The following DMD variants were observed in gnomAD, a reference collection of about 807,000 sequenced individuals.
DMD encodes the protein mutant dystrophin.
Under a neutral mutation model 330.1 loss-of-function variants are expected in DMD, and 63 were observed. That is an observed-to-expected ratio of 0.19 (90% CI 0.16 to 0.24). The LOEUF (loss-of-function observed/expected upper bound fraction) is 0.24. DMD is among the 10% of genes least tolerant of loss of function. The pLI, the probability that DMD is intolerant of heterozygous loss-of-function variation, is 1.00. For missense variants in DMD, 3,344 were observed against 2,684.1 expected (o/e 1.25, Z -5.43); for synonymous variants, 1,223 against 959.8 (o/e 1.27, Z -5.07).
At chrX:31,512,613 T>C (rs2071740978) in intron 55 of DMD, among the ~76,000 whole-genome samples, 1 of 109,596 alleles carries the variant, frequency 9.1e-6, no homozygotes, top group South Asian at 4.0e-4. Flanking sequence ...ATTGCTTGTT[T>C]TTCTCAGGTT....
chrX:32,759,220 A>G (rs1318032643), intron 7 of DMD, among the ~76,000 whole-genome samples: 4 of 111,888 alleles, frequency 3.6e-5, no homozygotes, highest in Non-Finnish European at 7.5e-5. Flanking sequence ...CCTGACTCTC[A>G]AGTTACACTG....
At chrX:31,371,938 G>A (rs139640272) in intron 60 of DMD, among the ~76,000 whole-genome samples, 1 of 112,053 alleles carries the variant, frequency 8.9e-6, no homozygotes, top group African/African-American at 3.2e-5. Context: ...CTAAGTTTCT[G>A]CTTTTGTATC....
chrX:32,817,858 T>A (rs190385739), intron 5 of DMD, among the ~76,000 whole-genome samples: 4 of 112,234 alleles, frequency 3.6e-5, no homozygotes, highest in African/African-American at 6.5e-5. Context: ...AACATACTTT[T>A]AAAAGATTTG....
intron 1 of DMD, among the ~76,000 whole-genome samples, chrX:33,264,701 TA>T (rs1446747310): frequency 1.9e-5 from 1 of 52,369 alleles, no homozygotes; most frequent in African/African-American, 4.4e-5. Flanking sequence ...TGTATTTTAG[TA>T]AAGATAAAGG....
intron 44 of DMD, among the ~76,000 whole-genome samples, chrX:32,196,994 A>AAAAC (rs2097007080): frequency 9.7e-6 from 1 of 102,645 alleles, no homozygotes; most frequent in African/African-American, 3.6e-5. Flanking sequence ...CTCAAAAAAA[A>AAAAC]AAAAAAAAAA....
At chrX:32,982,690 A>G (rs1249134947) in intron 2 of DMD, among the ~76,000 whole-genome samples, 1 of 111,748 alleles carries the variant, frequency 8.9e-6, no homozygotes, top group Non-Finnish European at 1.9e-5. Flanking sequence ...TTCACTTAAT[A>G]GAAGCAAGTG....
Position 32,728,698 on chromosome X carries a change from T to C in DMD, c.650-29405A>G, listed in dbSNP as rs1332190294. ...AGTAAGGCAGATATCTTTGGGAATA[T>C]AATGCATAGAAAATAGTATTTTCTT... is the stretch of plus-strand genomic sequence containing the variant. On this transcript the variant is annotated intron_variant, in intron 7 of 78. Transcript: ENST00000357033. Among the ~76,000 whole-genome samples, 9 of 112,433 alleles carry C rather than the reference T, an allele frequency of 8.0e-5. No individual in the cohort carries two copies. The Admixed American group carries it at 8.5e-4, about 11-fold the overall frequency.
At chrX:32,032,606 A>G (rs973945022) in intron 44 of DMD, among the ~76,000 whole-genome samples, 1 of 111,902 alleles carries the variant, frequency 8.9e-6, no homozygotes, top group African/African-American at 3.2e-5. Flanking sequence ...CCATCTACAC[A>G]TAAAAGCTCG....
chrX:32,783,244 GTGTA>G, intron 7 of DMD, among the ~76,000 whole-genome samples: 1 of 95,681 alleles, frequency 1.0e-5, no homozygotes, highest in East Asian at 3.3e-4. Flanking sequence ...ATACACATAT[GTGTA>G]TATACGTATA....
intron 60 of DMD, among the ~76,000 whole-genome samples, chrX:31,365,629 T>C (rs2059190605): frequency 8.9e-6 from 1 of 112,297 alleles, no homozygotes; most frequent in African/African-American, 3.2e-5. Context: ...CTTTTTAAAA[T>C]TGTATTAAAA....
intron 51 of DMD, among the ~76,000 whole-genome samples, chrX:31,750,641 G>C (rs1312997916): frequency 3.6e-5 from 4 of 110,317 alleles, no homozygotes; most frequent in Admixed American, 2.0e-4. Flanking sequence ...GGAAGTTCTG[G>C]CCAGGGCAAT....
In DMD at chrX:32,391,590, T is replaced by C. The variant is rs748104504; in HGVS notation, c.4234-1409A>G. 1.3e-4 allele frequency among the ~76,000 whole-genome samples: 15 copies of C among 112,450 alleles called. No homozygotes were observed. In the South Asian group the frequency reaches 4.0e-3, roughly 30 times the overall value. ...AAATGAGAGCAAATACGCATATAAA[T>C]GTATCTTATTTTATTACCATATCGA... is the stretch of plus-strand genomic sequence containing the variant. On this transcript the variant is annotated intron_variant, in intron 30 of 78. Coordinates refer to ENST00000357033, the MANE Select transcript of DMD (RefSeq NM_004006.3).
At chrX:32,861,659 T>C (rs1192793896) in intron 2 of DMD, among the ~76,000 whole-genome samples, 2 of 111,649 alleles carry the variant, frequency 1.8e-5, no homozygotes, top group African/African-American at 6.5e-5. Context: ...AAGAGAAGAT[T>C]ATCTGACAGG....
intron 2 of DMD, among the ~76,000 whole-genome samples, chrX:32,865,222 A>G (rs1229305725): frequency 9.0e-6 from 1 of 111,491 alleles, no homozygotes; most frequent in East Asian, 2.8e-4. Context: ...AGATAAAAAC[A>G]TACTGCCACT....
rs932271025 is a variant in DMD, at chrX:31,242,937, A to G, written c.9286+18018T>C. On this transcript the variant is annotated intron_variant, in intron 63 of 78. Coordinates refer to ENST00000357033, the MANE Select transcript of DMD (RefSeq NM_004006.3). ...TGTAAGTGTTCCACCACCGGCCACA[A>G]GTAGACCTGGTACCATCTCCTTCAC... Among the ~76,000 whole-genome samples the G allele has an allele frequency of 3.5e-4, 39 of 111,737 alleles. 1 individual carries two copies. Among genetic ancestry groups the G allele is most frequent in the Non-Finnish European group, 1.5e-4 (8 of 53,151 alleles).
intron 44 of DMD, among the ~76,000 whole-genome samples, chrX:32,196,986 C>CAAAAAAAAAAAAAAA (rs71872245): frequency 4.0e-5 from 2 of 49,619 alleles, no homozygotes; most frequent in African/African-American, 9.7e-5. Context: ...GACTCCATCT[C>CAAAAAAAAAAAAAAA]AAAAAAAAAA....
chrX:32,248,484 T>G (rs1001683889), intron 43 of DMD, among the ~76,000 whole-genome samples: 1 of 110,729 alleles, frequency 9.0e-6, no homozygotes, highest in Non-Finnish European at 1.9e-5. Context: ...TGACAACAAT[T>G]AGTGACTCAA....
chrX:33,123,725 GTT>G (rs780028344), intron 1 of DMD, among the ~76,000 whole-genome samples: 2,913 of 85,800 alleles, frequency 0.034, 122 homozygotes, highest in African/African-American at 0.11. Context: ...GTTCAAATGA[GTT>G]TTTTTTTTTT....
At chrX:32,840,702 G>A (rs2080085185) in intron 4 of DMD, among the ~76,000 whole-genome samples, 1 of 111,848 alleles carries the variant, frequency 8.9e-6, no homozygotes, top group South Asian at 3.7e-4. Context: ...TAATTTGTCT[G>A]ATTTATTTCA....
Sources: gnomAD v4.1 joint callset for allele counts (sites outside exome capture counted in the v4.1 genomes callset) on GRCh38, gnomAD v4.1.1 for gene constraint, MANE v1.5 for transcripts, NCBI Gene and HGNC (gene_info 2026-07-23, HGNC 2026-07-21) for gene names.